The following CCSER1 variants were observed in gnomAD, a reference collection of about 807,000 sequenced individuals.
The protein encoded by CCSER1 is coiled-coil serine rich protein 1.
In CCSER1, 41 loss-of-function variants were observed where a neutral mutation model predicts 82.0. That is an observed-to-expected ratio of 0.50 (90% CI 0.39 to 0.65). CCSER1 has a LOEUF of 0.65. Ranked by LOEUF, CCSER1 falls within the 30% of genes least tolerant of loss-of-function variation. CCSER1 has a pLI of 0.00. For synonymous variants in CCSER1, 414 were observed against 383.9 expected, an observed-to-expected ratio of 1.08 and a Z score of -0.92; for missense variants, 1,119 against 1,064.2, an observed-to-expected ratio of 1.05 and a Z score of -0.72.
intron 3 of CCSER1, among the ~76,000 whole-genome samples, chr4:90,332,409 T>A (rs1379550529): frequency 6.6e-6 from 1 of 152,138 alleles, no homozygotes; most frequent in Non-Finnish European, 1.5e-5. Flanking sequence ...GCTAACTTTG[T>A]ATTTTTAGTA....
intron 1 of CCSER1, among the ~76,000 whole-genome samples, chr4:90,167,364 T>G (rs1043701966): frequency 2.0e-5 from 3 of 152,104 alleles, no homozygotes; most frequent in South Asian, 2.1e-4. Flanking sequence ...GTCAATAAAG[T>G]TGTACATTTT....
At chr4:91,421,393 C>T (rs1427698285) in intron 10 of CCSER1, among the ~76,000 whole-genome samples, 1 of 152,080 alleles carries the variant, frequency 6.6e-6, no homozygotes, top group Non-Finnish European at 1.5e-5. Flanking sequence ...CTTGTGGAGT[C>T]GTGGGTGTAA....
intron 10 of CCSER1, among the ~76,000 whole-genome samples, chr4:91,152,306 C>G (rs1317993671): frequency 2.6e-5 from 4 of 152,046 alleles, no homozygotes; most frequent in African/African-American, 9.7e-5. Flanking sequence ...CCCCTGCTCC[C>G]CTTTGTTTTC....
intron 10 of CCSER1, among the ~76,000 whole-genome samples, chr4:91,473,280 A>T (rs960293591): frequency 6.6e-6 from 1 of 152,196 alleles, no homozygotes; most frequent in Non-Finnish European, 1.5e-5. Context: ...GAAGCTTCTG[A>T]GTAGGGCATA....
chr4:91,036,004 G>C (rs1741399751), intron 9 of CCSER1, among the ~76,000 whole-genome samples: 2 of 152,240 alleles, frequency 1.3e-5, no homozygotes, highest in Non-Finnish European at 2.9e-5. Flanking sequence ...TCATTTGGGA[G>C]TTTAACTCAC....
chr4:91,322,324 G>A (rs1746253984), intron 10 of CCSER1, among the ~76,000 whole-genome samples: 1 of 152,006 alleles, frequency 6.6e-6, no homozygotes, highest in African/African-American at 2.4e-5. Flanking sequence ...ATTCAATAAT[G>A]TAAACAATTG....
At chr4:90,727,610 A>G (rs1236507589) in intron 7 of CCSER1, among the ~76,000 whole-genome samples, 6 of 152,124 alleles carry the variant, frequency 3.9e-5, no homozygotes. Flanking sequence ...TCAAGCCACT[A>G]CATTTCACTG....
chr4:90,166,326 G>A (rs889908286), intron 1 of CCSER1, among the ~76,000 whole-genome samples: 6 of 151,854 alleles, frequency 4.0e-5, no homozygotes, highest in African/African-American at 1.5e-4. Flanking sequence ...TTAATGGTGA[G>A]TTTATCAGGG....
intron 9 of CCSER1, among the ~76,000 whole-genome samples, chr4:91,046,585 C>T (rs1192447517): frequency 6.6e-6 from 1 of 152,158 alleles, no homozygotes; most frequent in Non-Finnish European, 1.5e-5. Flanking sequence ...GTTTCTTTCT[C>T]ATTCACACTA....
At chr4:90,722,277 C>T (rs555094111) in intron 6 of CCSER1, among the ~76,000 whole-genome samples, 3 of 151,854 alleles carry the variant, frequency 2.0e-5, no homozygotes, top group South Asian at 4.1e-4. Context: ...AGGTAAATAT[C>T]GAATAATTCA....
intron 9 of CCSER1, among the ~76,000 whole-genome samples, chr4:90,929,860 A>G (rs1333800955): frequency 6.6e-6 from 1 of 152,222 alleles, no homozygotes; most frequent in African/African-American, 2.4e-5. Flanking sequence ...TTTCAAAATA[A>G]CTAAATTTCA....
At chr4:90,902,495 T>A (rs1724807338) in intron 8 of CCSER1, among the ~76,000 whole-genome samples, 1 of 152,130 alleles carries the variant, frequency 6.6e-6, no homozygotes, top group Non-Finnish European at 1.5e-5. Context: ...AATGCTTGAA[T>A]GTGTGATTGT....
chr4:91,472,026 T>C (rs1448408982), intron 10 of CCSER1, among the ~76,000 whole-genome samples: 1 of 151,370 alleles, frequency 6.6e-6, no homozygotes, highest in Non-Finnish European at 1.5e-5. Context: ...TTTAACTAAG[T>C]TATTAGTAAA....
chr4:90,971,245 C>T (rs1383730698), intron 9 of CCSER1, among the ~76,000 whole-genome samples: 2 of 151,850 alleles, frequency 1.3e-5, no homozygotes, highest in Non-Finnish European at 2.9e-5. Flanking sequence ...CCTCAGGAAA[C>T]TTAGAATCAT....
chr4:91,307,419 C>T (rs1227487413), intron 10 of CCSER1, among the ~76,000 whole-genome samples: 2 of 151,720 alleles, frequency 1.3e-5, no homozygotes, highest in Non-Finnish European at 2.9e-5. Flanking sequence ...AGTTTTTTAG[C>T]CCAATATCAT....
At chr4:90,295,648 T>A (rs949728997) in intron 1 of CCSER1, among the ~76,000 whole-genome samples, 17 of 152,064 alleles carry the variant, frequency 1.1e-4, no homozygotes, top group African/African-American at 3.9e-4. Context: ...TTTTAGATTC[T>A]TTTTCTTATT....
At chr4:90,955,888 A>G (rs1157529267) in intron 9 of CCSER1, among the ~76,000 whole-genome samples, 1 of 152,116 alleles carries the variant, frequency 6.6e-6, no homozygotes, top group Non-Finnish European at 1.5e-5. Context: ...TTACCATTCA[A>G]TCTAAAGAAG....
intron 10 of CCSER1, among the ~76,000 whole-genome samples, chr4:91,444,762 A>G (rs1755442214): frequency 6.6e-6 from 1 of 152,166 alleles, no homozygotes; most frequent in Non-Finnish European, 1.5e-5. Context: ...TTGCTTCTTC[A>G]AGCTAATGGA....
In CCSER1 at chr4:90,686,961, C is replaced by A. The variant is rs569117507; in HGVS notation, c.1933-36953C>A. ...CCTTACAAAACAATGGAAATTATAC[C>A]ATTTAACTAATGTAGTGGGGGTCCC... On this transcript the variant is annotated intron_variant, in intron 6 of 10. Coordinates refer to ENST00000509176, the MANE Select transcript of CCSER1 (RefSeq NM_001145065.2). 2.0e-5 allele frequency among the ~76,000 whole-genome samples: 3 copies of A among 152,218 alleles called. No homozygotes were observed. In the East Asian group the frequency reaches 5.8e-4, roughly 29 times the overall value.
Sources: allele counts gnomAD v4.1 joint callset (sites outside exome capture counted in the v4.1 genomes callset), GRCh38; gene constraint gnomAD v4.1.1; transcripts MANE v1.5; gene names NCBI Gene and HGNC (gene_info 2026-07-23, HGNC 2026-07-21).